The following KRT2 variants were observed in gnomAD, a reference collection of about 807,000 sequenced individuals.
The protein encoded by KRT2 is keratin 2.
In KRT2, 37 loss-of-function variants were observed where a neutral mutation model predicts 48.5. The ratio of observed to expected loss-of-function variants is 0.76; its 90% CI spans 0.59 to 1.00. KRT2 has a LOEUF of 1.00. Among genes scored for constraint, KRT2 ranks in the 50% least tolerant of loss-of-function variants. KRT2 has a pLI of 0.00. For synonymous variants in KRT2, 324 were observed against 312.2 expected (o/e 1.04, Z -0.40); for missense variants, 880 against 815.2 (o/e 1.08, Z -0.97).
intron 3 of KRT2, among the ~76,000 whole-genome samples, chr12:52,649,449 T>C (rs1941216465): frequency 6.6e-6 from 1 of 152,220 alleles, no homozygotes; most frequent in African/African-American, 2.4e-5. Context: ...TCATCCCGTC[T>C]GTCCATCTCA....
Position 52,648,273 on chromosome 12 carries a change from C to T in KRT2, c.1022G>A (p.Arg341His), listed in dbSNP as rs1047700385. 9 of 1,613,928 alleles carry T rather than the reference C, an allele frequency of 5.6e-6. No individual in the cohort carries two copies. Among genetic ancestry groups the T allele is most frequent in the African/African-American group, 1.3e-5 (1 of 74,910 alleles). ...GATGATGCTATCCAAGTCCAGGTTGCGGCTGTTGTCCATGGAGAGGATGAC... is the reference window on the plus strand; with the variant it reads ...GATGATGCTATCCAAGTCCAGGTTGTGGCTGTTGTCCATGGAGAGGATGAC... Reference protein sequence around the residue: ...TNVILSMDNSRNLDLDSIIAE... With the variant: ...TNVILSMDNSHNLDLDSIIAE... Residue 341 changes from arginine (R) to histidine (H), a missense_variant, in exon 5 of 9, where the codon CGC becomes CAC. Arg to His is a conservative substitution (Grantham distance 29). Transcript: ENST00000309680.
chr12:52,650,615 G>C, intron 1 of KRT2, 62 bp from the exon 2 acceptor site: 1 of 1,400,456 alleles, frequency 7.1e-7, no homozygotes, highest in Non-Finnish European at 1.0e-6. Context: ...AGCAAGCCAC[G>C]CTGGCCAGGG....
intron 1 of KRT2, among the ~76,000 whole-genome samples, 178 bp downstream of exon 1, chr12:52,651,380 T>C (rs958290784): frequency 1.3e-5 from 2 of 152,222 alleles, no homozygotes; most frequent in Non-Finnish European, 2.9e-5. Flanking sequence ...TGCAGGCTGT[T>C]ATGGGAAATG....
rs1339617086 is a variant in KRT2 at position 52,644,686 on chromosome 12, C to G, written c.*333G>C. ...CACTGCCAGGCTTAGAGATGAAATCCCTGGATGGGCCTGGGTCCTCAACAG... is the reference window on the plus strand; with the variant it reads ...CACTGCCAGGCTTAGAGATGAAATCGCTGGATGGGCCTGGGTCCTCAACAG... On this transcript the variant is annotated 3_prime_UTR_variant, in exon 9 of 9. Coordinates refer to ENST00000309680, the MANE Select transcript of KRT2 (RefSeq NM_000423.3). 2 of 375,466 alleles carry G rather than the reference C, an allele frequency of 5.3e-6. No individual in the cohort carries two copies. The highest frequency in any genetic ancestry group is 4.1e-5 in the African/African-American group (2 of 48,726). 23.3% of individuals were successfully genotyped at this position (375,466 alleles called of 1,614,324 possible).
chr12:52,647,021 T>A (rs1941177630), intron 6 of KRT2, 61 bp from the exon 7 acceptor site: 1 of 1,511,364 alleles, frequency 6.6e-7, no homozygotes, highest in South Asian at 1.1e-5. Context: ...AGCAGAGGTG[T>A]TCGAAGTGCA....
chr12:52,650,666 G>T, intron 1 of KRT2, 113 bp from the exon 2 acceptor site: 1 of 856,128 alleles, frequency 1.2e-6, no homozygotes, highest in Non-Finnish European at 2.0e-6. Context: ...AAGTGTCTGA[G>T]GCTGGATGCC....
At chr12:52,647,290 T>C (rs998887904) in intron 6 of KRT2, among the ~76,000 whole-genome samples, 2 of 152,220 alleles carry the variant, frequency 1.3e-5, no homozygotes, top group African/African-American at 2.4e-5. Context: ...ATCCACTCTC[T>C]GCCTCTACCT....
chr12:52,651,860 C>T lies in KRT2; in HGVS notation c.283G>A (p.Gly95Ser), dbSNP rs908964735. The change falls in exon 1 of 9, where the codon GGT becomes AGT. Residue 95 changes from glycine to serine, a missense_variant. By Grantham distance (56) the Gly-to-Ser change is moderately conservative. Transcript: ENST00000309680. ...AAGGFGGRGG[G>S]FGGGSSFGGG... Reference sequence around the variant, plus strand: ...CCAAAGCTGCTGCCGCCTCCAAAACCACCTCCTCTGCCACCAAATCCACCA... The same window carrying T: ...CCAAAGCTGCTGCCGCCTCCAAAACTACCTCCTCTGCCACCAAATCCACCA... The T allele has an allele frequency of 1.9e-6, 3 of 1,602,424 alleles. No individual in the cohort carries two copies. Among genetic ancestry groups the T allele is most frequent in the African/African-American group, 2.7e-5 (2 of 74,668 alleles).
In KRT2 at chr12:52,651,607, C is replaced by T. The variant is rs202243677; in HGVS notation, c.536G>A (p.Arg179His). Residue 179 changes from arginine (R) to histidine (H), a missense_variant, in exon 1 of 9, where the codon CGT (arginine) becomes CAT (histidine). By Grantham distance (29) the Arg-to-His change is conservative. Transcript: ENST00000309680. ...PEIQNVKAQE[R>H]EQIKTLNNKF... ...GTTGTTGAGAGTTTTGATCTGCTCA[C>T]GCTCTTGGGCCTTCACATTCTGGAT... The T allele has an allele frequency of 7.9e-5, 128 of 1,614,192 alleles. No homozygotes were observed. Among genetic ancestry groups the T allele is most frequent in the Non-Finnish European group, 9.1e-5 (107 of 1,180,042 alleles).
In KRT2 at chr12:52,651,636, T is replaced by C. The variant is rs1334088771; in HGVS notation, c.507A>G (p.Pro169=). 6 of 1,613,954 alleles carry C rather than the reference T, an allele frequency of 3.7e-6. 1 individual carries two copies. In the East Asian group the frequency reaches 8.9e-5, roughly 24 times the overall value. ...CTTGGGCCTTCACATTCTGGATCTC[T>C]GGGTCAACTTTCACGTTGAGAGGCT... The part of the protein sequence containing the change: ...LLQPLNVKVD[P]EIQNVKAQER... Residue 169 remains proline (P), a synonymous_variant, in exon 1 of 9, where the codon CCA becomes CCG. Transcript: ENST00000309680.
chr12:52,645,596 T>C lies in KRT2; in HGVS notation c.1470-27A>G, dbSNP rs1177341272. 3.1e-6 allele frequency: 5 copies of C among 1,612,646 alleles called. No homozygotes were observed. In the Admixed American group the frequency reaches 8.3e-5, roughly 27 times the overall value. ...TGTAAGGGAGAGAGAAAAAACAAGTTGTGGTGGAACACTTAGGTTCTGTAT... is the reference window on the plus strand; with the variant it reads ...TGTAAGGGAGAGAGAAAAAACAAGTCGTGGTGGAACACTTAGGTTCTGTAT... On this transcript the variant is annotated intron_variant, in intron 7 of 8. Coordinates refer to ENST00000309680, the MANE Select transcript of KRT2 (RefSeq NM_000423.3).
Position 52,646,713 on chromosome 12 carries a change from C to T in KRT2, c.1469+27G>A, listed in dbSNP as rs2232558. 2.8e-3 allele frequency: 4,488 copies of T among 1,610,338 alleles called. 9 individuals carry two copies. Among genetic ancestry groups the T allele is most frequent in the Non-Finnish European group, 3.3e-3 (3,879 of 1,176,650 alleles). On this transcript the variant is annotated intron_variant, in intron 7 of 8. Transcript: ENST00000309680. ...GAGAGATGAGAGGAAGGGCCAGGGTCCCCTTCTCCCTTCCCAGTGCCCTCA... is the reference window on the plus strand; with the variant it reads ...GAGAGATGAGAGGAAGGGCCAGGGTTCCCTTCTCCCTTCCCAGTGCCCTCA...
chr12:52,648,749 G>T (rs1184911665), intron 4 of KRT2, among the ~76,000 whole-genome samples: 1 of 152,188 alleles, frequency 6.6e-6, no homozygotes, highest in East Asian at 1.9e-4. Context: ...TTCCCCAGGG[G>T]AAATGGACAT....
Position 52,646,844 on chromosome 12 carries a change from G to A in KRT2, c.1365C>T (p.Asp455=). ...LEEALQQAKE[D]LARLLRDYQE... is the part of the protein sequence containing the mutation. ...GGTAGTCACGCAGCAGCCGCGCCAAGTCCTCCTTGGCCTGCTGCAGGGCCT... is the reference window on the plus strand; with the variant it reads ...GGTAGTCACGCAGCAGCCGCGCCAAATCCTCCTTGGCCTGCTGCAGGGCCT... Residue 455 remains aspartate, a synonymous_variant, in exon 7 of 9, where the codon GAC becomes GAT. Transcript: ENST00000309680. 6.2e-7 allele frequency: 1 copy of A among 1,614,162 alleles called. No homozygotes were observed. The highest frequency in any genetic ancestry group is 8.5e-7 in the Non-Finnish European group (1 of 1,180,010).
intron 7 of KRT2, among the ~76,000 whole-genome samples, chr12:52,646,355 C>T (rs1307984009): frequency 6.6e-6 from 1 of 152,246 alleles, no homozygotes; most frequent in African/African-American, 2.4e-5. Context: ...CATTCCGAGA[C>T]ATCATCTCCC....
chr12:52,650,115 T>G, intron 2 of KRT2, 141 bp from the exon 3 acceptor site: 1 of 783,874 alleles, frequency 1.3e-6, no homozygotes, highest in Non-Finnish European at 2.2e-6. Context: ...AAACTAAGAT[T>G]TCCAAACTAA....
chr12:52,648,275 G>C lies in KRT2; in HGVS notation c.1020C>G (p.Ser340Arg), dbSNP rs747670076. ...TGATGCTATCCAAGTCCAGGTTGCG[G>C]CTGTTGTCCATGGAGAGGATGACGT... ...DTNVILSMDN[S>R]RNLDLDSIIA... Residue 340 changes from serine (S) to arginine (R), a missense_variant, in exon 5 of 9, where the codon AGC becomes AGG. By Grantham distance (110) the Ser-to-Arg change is moderately radical. Transcript: ENST00000309680. The C allele has an allele frequency of 3.7e-6, 6 of 1,614,050 alleles. No homozygotes were observed. The highest frequency in any genetic ancestry group is 5.1e-6 in the Non-Finnish European group (6 of 1,179,918).
At chr12:52,648,915 C>T in intron 4 of KRT2, 92 bp downstream of exon 4, 1 of 857,658 alleles carries the variant, frequency 1.2e-6, no homozygotes, top group Admixed American at 1.8e-5. Flanking sequence ...GTCCATAAAC[C>T]CCACTTCTGC....
At position 52,649,008 on chromosome 12, in the gene KRT2, G is replaced by A. The variant is rs199831972; in HGVS notation, c.956C>T (p.Ala319Val). 37 of 1,586,742 alleles carry A rather than the reference G, an allele frequency of 2.3e-5. 1 individual carries two copies. The East Asian group carries it at 6.0e-4, about 26-fold the overall frequency. ...EIEFLKVLYD[A>V]EISQIHQSVT... Reference sequence around the variant, plus strand: ...ACTGTCCCGGAGCAGCCTCCTTACCGCATCATAGAGAACTTTCAGAAACTC... The same window carrying A: ...ACTGTCCCGGAGCAGCCTCCTTACCACATCATAGAGAACTTTCAGAAACTC... The change falls in exon 4 of 9, where the codon GCG becomes GTG. Residue 319 changes from alanine (A) to valine (V), a missense_variant and splice_region_variant. Physicochemically the swap from Ala to Val is moderately conservative, Grantham distance 64. Coordinates refer to ENST00000309680, the MANE Select transcript of KRT2 (RefSeq NM_000423.3).
Sources: gnomAD v4.1 joint callset for allele counts (sites outside exome capture counted in the v4.1 genomes callset) on GRCh38, gnomAD v4.1.1 for gene constraint, MANE v1.5 for transcripts, NCBI Gene and HGNC (gene_info 2026-07-23, HGNC 2026-07-21) for gene names.